The following TOX variants were observed in gnomAD, a reference collection of about 807,000 sequenced individuals.
The protein encoded by TOX is thymocyte selection-associated high mobility group box protein TOX.
In TOX, 11 loss-of-function variants were observed where a neutral mutation model predicts 53.7. The ratio of observed to expected loss-of-function variants is 0.20; its 90% CI spans 0.13 to 0.34. TOX has a LOEUF of 0.34. TOX is among the 10% of genes least tolerant of loss of function. The pLI, the probability that TOX is intolerant of heterozygous loss-of-function variation, is 1.00. For missense variants in TOX, 570 were observed against 664.6 expected (o/e 0.86, Z 1.56); for synonymous variants, 225 against 245.3 (o/e 0.92, Z 0.77).
At chr8:58,832,345 G>C (rs948831815) in intron 5 of TOX, among the ~76,000 whole-genome samples, 1 of 151,802 alleles carries the variant, frequency 6.6e-6, no homozygotes, top group African/African-American at 2.4e-5. Flanking sequence ...GTGAGCAACT[G>C]TTTTACATAT....
chr8:58,840,233 C>A (rs115218060), intron 4 of TOX, among the ~76,000 whole-genome samples: 3,806 of 152,208 alleles, frequency 0.025, 171 homozygotes, highest in African/African-American at 0.087. Context: ...GAATATCATT[C>A]TGAAATTGTC....
chr8:59,068,245 GA>G lies in TOX; in HGVS notation c.102+50640del, dbSNP rs71557751. 5.4e-3 allele frequency among the ~76,000 whole-genome samples: 822 copies of G among 151,676 alleles called. 3 individuals are homozygous for G. The highest frequency in any genetic ancestry group is 0.033 in the South Asian group (160 of 4,798). The stretch of plus-strand genomic sequence containing the variant: ...TGAAAATAATAATTGTTTAAAAGCA[GA>G]AAAAAAATAATATTTTCCCCAGTGT... On this transcript the variant is annotated intron_variant, in intron 1 of 8. Coordinates refer to ENST00000361421, the MANE Select transcript of TOX (RefSeq NM_014729.3).
intron 6 of TOX, among the ~76,000 whole-genome samples, chr8:58,821,034 A>G (rs1810266475): frequency 6.6e-6 from 1 of 152,224 alleles, no homozygotes; most frequent in African/African-American, 2.4e-5. Context: ...ATTGCTTAAG[A>G]TGGGAAGGCC....
At chr8:58,845,906 T>C (rs377390757) in intron 4 of TOX, among the ~76,000 whole-genome samples, 76 of 152,242 alleles carry the variant, frequency 5.0e-4, no homozygotes, top group African/African-American at 1.7e-3. Flanking sequence ...CTTTTCTAAA[T>C]TCACTGATGT....
chr8:58,851,441 T>C lies in TOX; in HGVS notation c.693+83A>G. The stretch of plus-strand genomic sequence containing the variant: ...CTCCCTCCAATGTTTCTCGCATGGA[T>C]GATATAAACTTGTACCCAGCACAGG... On this transcript the variant is annotated intron_variant, in intron 4 of 8. Coordinates refer to ENST00000361421, the MANE Select transcript of TOX (RefSeq NM_014729.3). The surrounding 1 kb of genome is among the most constrained non-coding windows in gnomAD (Gnocchi z 4.4). 6.8e-7 allele frequency: 1 copy of C among 1,464,414 alleles called. No individual in the cohort carries two copies. The highest frequency in any genetic ancestry group is 9.4e-7 in the Non-Finnish European group (1 of 1,068,804). 90.7% of individuals were successfully genotyped at this position (1,464,414 alleles called of 1,614,324 possible).
intron 1 of TOX, among the ~76,000 whole-genome samples, chr8:59,001,433 C>T (rs916908187): frequency 6.6e-6 from 1 of 152,168 alleles, no homozygotes; most frequent in Non-Finnish European, 1.5e-5. Context: ...AGGCAAATAT[C>T]TCATGATGGG....
intron 4 of TOX, among the ~76,000 whole-genome samples, chr8:58,845,745 C>T (rs1810709514): frequency 1.3e-5 from 2 of 151,990 alleles, no homozygotes; most frequent in Admixed American, 6.6e-5. Context: ...ATGAGTTTAG[C>T]AAAGGCACTC....
In TOX at chr8:59,035,701, C is replaced by G. The variant is rs576379020; in HGVS notation, c.103-75693G>C. On this transcript the variant is annotated intron_variant, in intron 1 of 8. Transcript: ENST00000361421. ...TATTGTGTGCTGAGGGTGCTAGACACTCAGGCTGCAAAGCCAAAAATGTCC... is the reference window on the plus strand; with the variant it reads ...TATTGTGTGCTGAGGGTGCTAGACAGTCAGGCTGCAAAGCCAAAAATGTCC... Among the ~76,000 whole-genome samples the G allele has an allele frequency of 3.9e-5, 6 of 152,314 alleles. No homozygotes were observed. The South Asian group carries it at 1.2e-3, about 32-fold the overall frequency.
intron 3 of TOX, among the ~76,000 whole-genome samples, chr8:58,927,488 T>A (rs1812183875): frequency 6.6e-6 from 1 of 152,182 alleles, no homozygotes; most frequent in African/African-American, 2.4e-5. Context: ...GTGCTCTGCA[T>A]CTTTGTCCCA....
chr8:58,879,315 A>G (rs547006326), intron 3 of TOX, among the ~76,000 whole-genome samples: 1 of 152,324 alleles, frequency 6.6e-6, no homozygotes, highest in East Asian at 1.9e-4. Context: ...ATGATGGCTA[A>G]AACGGAATGT....
At chr8:59,016,359 T>TAA (rs2129419077) in intron 1 of TOX, among the ~76,000 whole-genome samples, 1 of 152,304 alleles carries the variant, frequency 6.6e-6, no homozygotes, top group East Asian at 1.9e-4. Context: ...TCCACTTAAT[T>TAA]AAAGTATCAA....
chr8:58,859,311 G>A (rs1432722156), intron 3 of TOX, among the ~76,000 whole-genome samples: 2 of 152,126 alleles, frequency 1.3e-5, no homozygotes, highest in African/African-American at 2.4e-5. Flanking sequence ...CAAAAGAAAG[G>A]TTGGACATTT....
intron 1 of TOX, among the ~76,000 whole-genome samples, chr8:58,994,241 T>C (rs572010746): frequency 9.2e-5 from 14 of 152,226 alleles, no homozygotes; most frequent in African/African-American, 3.4e-4. Context: ...CTCAGAGAAA[T>C]GATCACTGAG....
intron 1 of TOX, among the ~76,000 whole-genome samples, chr8:59,103,530 C>T (rs1364533810): frequency 1.3e-5 from 2 of 152,156 alleles, no homozygotes; most frequent in East Asian, 1.9e-4. Context: ...AATATAAGAT[C>T]CACATATTGC....
chr8:58,941,156 T>C (rs1056950808), intron 2 of TOX, among the ~76,000 whole-genome samples: 5 of 152,332 alleles, frequency 3.3e-5, no homozygotes, highest in Admixed American at 3.3e-4. Flanking sequence ...AAATTACAAG[T>C]TTGATGAAAT....
At chr8:59,092,297 ATATAT>A (rs1419397411) in intron 1 of TOX, among the ~76,000 whole-genome samples, 2 of 113,548 alleles carry the variant, frequency 1.8e-5, no homozygotes, top group Admixed American at 1.8e-4. Flanking sequence ...TATACATTAT[ATATAT>A]TATATATTAT....
At chr8:58,960,837 C>T (rs999125165) in intron 1 of TOX, among the ~76,000 whole-genome samples, 1 of 152,184 alleles carries the variant, frequency 6.6e-6, no homozygotes, top group Non-Finnish European at 1.5e-5. Flanking sequence ...ACTTAATCCT[C>T]AGCTATTTTT....
rs543613808 is a variant in TOX, at chr8:59,002,600, A to G, written c.103-42592T>C. 1.1e-4 allele frequency among the ~76,000 whole-genome samples: 12 copies of G among 107,150 alleles called. No homozygotes were observed. The East Asian group carries it at 2.7e-3, about 24-fold the overall frequency. 70.3% of individuals were successfully genotyped at this position (107,150 alleles called of 152,430 possible). A position where few individuals can be genotyped will look rare whatever the true frequency, so the allele number is the denominator to read the frequency against. On this transcript the variant is annotated intron_variant, in intron 1 of 8. Transcript: ENST00000361421. ...AGCAAGACTCCGTCTCAAAACAACA[A>G]CAACAACAAAAAAAAAACAAACAAA...
At chr8:58,935,393 C>T (rs113080596) in intron 3 of TOX, among the ~76,000 whole-genome samples, 5 of 152,254 alleles carry the variant, frequency 3.3e-5, no homozygotes, top group African/African-American at 1.2e-4. Flanking sequence ...CAGCAAAAGG[C>T]TCAGCTTTGA....
Sources: allele counts gnomAD v4.1 joint callset (sites outside exome capture counted in the v4.1 genomes callset), GRCh38; gene constraint gnomAD v4.1.1; non-coding constraint Gnocchi (gnomAD v3.1); transcripts MANE v1.5; gene names NCBI Gene and HGNC (gene_info 2026-07-23, HGNC 2026-07-21).